Variants in ERBB4 observed in about 807,000 individuals in gnomAD.
ERBB4 encodes receptor tyrosine-protein kinase erbB-4.
A neutral mutation model predicts 158.0 loss-of-function variants in ERBB4; 42 were observed. The ratio of observed to expected loss-of-function variants is 0.27; its 90% CI spans 0.21 to 0.34. ERBB4 has a LOEUF of 0.34. Ranked by LOEUF, ERBB4 falls within the 10% of genes least tolerant of loss-of-function variation. The probability of loss-of-function intolerance (pLI) is 1.00; values close to 1 mark genes in which losing one functional copy is unlikely to be tolerated. For synonymous variants in ERBB4, 583 were observed against 558.7 expected (o/e 1.04, Z -0.61); for missense variants, 1,333 against 1,624.1 (o/e 0.82, Z 3.08).
intron 20 of ERBB4, among the ~76,000 whole-genome samples, chr2:211,544,430 T>G (rs373956337): frequency 3.3e-5 from 5 of 152,018 alleles, no homozygotes; most frequent in African/African-American, 4.8e-5. Flanking sequence ...CGTAGAGTTA[T>G]ACAATAGAGT....
intron 1 of ERBB4, among the ~76,000 whole-genome samples, chr2:212,330,965 A>G (rs767983175): frequency 4.0e-5 from 6 of 150,156 alleles, no homozygotes; most frequent in Non-Finnish European, 8.9e-5. Flanking sequence ...GGTATATGCA[A>G]TATTTGCAAC....
chr2:211,484,506 GA>G (rs551115017), intron 20 of ERBB4, among the ~76,000 whole-genome samples: 63 of 152,120 alleles, frequency 4.1e-4, no homozygotes, highest in Middle Eastern at 6.9e-3. Context: ...AAAGTAAAGG[GA>G]TGGAAAAAAT....
At chr2:211,667,443 GAA>G (rs561735051) in intron 14 of ERBB4, among the ~76,000 whole-genome samples, 4 of 110,216 alleles carry the variant, frequency 3.6e-5, no homozygotes, top group Admixed American at 2.0e-4. Flanking sequence ...CTCAGAGCTC[GAA>G]AAAAAAAAAA....
intron 1 of ERBB4, among the ~76,000 whole-genome samples, chr2:212,261,898 C>G (rs949057326): frequency 3.3e-5 from 5 of 151,824 alleles, no homozygotes; most frequent in Admixed American, 2.6e-4. Flanking sequence ...GTGATGAAAC[C>G]TCTTTATAAA....
At chr2:212,434,454 A>C (rs2092094437) in intron 1 of ERBB4, among the ~76,000 whole-genome samples, 1 of 151,910 alleles carries the variant, frequency 6.6e-6, no homozygotes, top group Non-Finnish European at 1.5e-5. Context: ...GGAATATCGA[A>C]GAACTAAGTA....
At chr2:212,220,324 A>G (rs2083253993) in intron 1 of ERBB4, among the ~76,000 whole-genome samples, 2 of 151,444 alleles carry the variant, frequency 1.3e-5, no homozygotes, top group African/African-American at 4.8e-5. Flanking sequence ...TGGAAGATCT[A>G]TTTTAAATCT....
chr2:212,214,777 A>G (rs557027262), intron 1 of ERBB4, among the ~76,000 whole-genome samples: 1 of 151,810 alleles, frequency 6.6e-6, no homozygotes, highest in African/African-American at 2.4e-5. Flanking sequence ...GAAATATTCT[A>G]TATGTGGGCG....
chr2:212,524,526 C>G (rs972068475), intron 1 of ERBB4, among the ~76,000 whole-genome samples: 2 of 152,026 alleles, frequency 1.3e-5, no homozygotes, highest in African/African-American at 4.8e-5. Context: ...CATACTCACT[C>G]TTGGGAAAAT....
intron 1 of ERBB4, among the ~76,000 whole-genome samples, chr2:212,269,155 A>G (rs1574562202): frequency 1.3e-5 from 2 of 151,884 alleles, no homozygotes; most frequent in Admixed American, 6.6e-5. Context: ...GTCACCACAC[A>G]GCTACATAAA....
intron 20 of ERBB4, among the ~76,000 whole-genome samples, chr2:211,524,457 C>T (rs1574668745): frequency 6.7e-6 from 1 of 149,984 alleles, no homozygotes; most frequent in African/African-American, 2.5e-5. Flanking sequence ...GCTCGGGCCG[C>T]ACAGGAGCCC....
chr2:211,579,360 T>C (rs9846146), intron 19 of ERBB4, among the ~76,000 whole-genome samples: 3 of 152,114 alleles, frequency 2.0e-5, no homozygotes, highest in African/African-American at 7.2e-5. Flanking sequence ...AGAATGTAAA[T>C]TAGTTCAACC....
chr2:212,537,719 G>A (rs960214501), intron 1 of ERBB4, among the ~76,000 whole-genome samples: 2 of 151,664 alleles, frequency 1.3e-5, no homozygotes, highest in Non-Finnish European at 2.9e-5. Flanking sequence ...CGACGGGAAG[G>A]CCGGGCTTCT....
chr2:212,401,416 T>A (rs1377512432), intron 1 of ERBB4, among the ~76,000 whole-genome samples: 1 of 152,184 alleles, frequency 6.6e-6, no homozygotes, highest in African/African-American at 2.4e-5. Flanking sequence ...AGATATGCCT[T>A]CTCTACAAAA....
chr2:211,443,115 A>T (rs2125458038), intron 20 of ERBB4, among the ~76,000 whole-genome samples: 1 of 152,018 alleles, frequency 6.6e-6, no homozygotes, highest in African/African-American at 2.4e-5. Flanking sequence ...CTACTCTTTC[A>T]TCCTTACTCT....
At chr2:212,445,827 A>G (rs925809699) in intron 1 of ERBB4, among the ~76,000 whole-genome samples, 1 of 152,240 alleles carries the variant, frequency 6.6e-6, no homozygotes, top group Non-Finnish European at 1.5e-5. Context: ...AATGGATAGT[A>G]GAAGAAGGTA....
chr2:211,947,673 G>C (rs2125139104), intron 2 of ERBB4, 57 bp from the exon 3 acceptor site: 2 of 1,438,318 alleles, frequency 1.4e-6, no homozygotes, highest in Non-Finnish European at 1.9e-6. Context: ...CTCTGTATAT[G>C]TAGCAATTTA....
chr2:212,509,849 A>T (rs937655011), intron 1 of ERBB4, among the ~76,000 whole-genome samples: 3 of 151,870 alleles, frequency 2.0e-5, no homozygotes, highest in Non-Finnish European at 2.9e-5. Flanking sequence ...TTATGATATG[A>T]GTTTCATTTT....
chr2:212,413,254 G>A (rs1475014912), intron 1 of ERBB4, among the ~76,000 whole-genome samples: 2 of 150,290 alleles, frequency 1.3e-5, no homozygotes, highest in African/African-American at 2.5e-5. Context: ...CCAAAGTGCT[G>A]GGATTACAGG....
chr2:212,226,718 T>C (rs1365872553), intron 1 of ERBB4, among the ~76,000 whole-genome samples: 1 of 152,170 alleles, frequency 6.6e-6, no homozygotes, highest in Admixed American at 6.6e-5. Context: ...CTTTTTTTAA[T>C]CTGTCTTATC....
Sources: gnomAD v4.1 joint callset for allele counts (sites outside exome capture counted in the v4.1 genomes callset) on GRCh38, gnomAD v4.1.1 for gene constraint, MANE v1.5 for transcripts, NCBI Gene and HGNC (gene_info 2026-07-23, HGNC 2026-07-21) for gene names.